CHST15: variants seen among roughly 807,000 people sequenced by gnomAD.
CHST15 encodes the protein B cell RAG associated protein (GALNAC4S-6ST).
In CHST15, 30 loss-of-function variants were observed where a neutral mutation model predicts 53.6. The ratio of observed to expected loss-of-function variants is 0.56; its 90% CI spans 0.42 to 0.76. The LOEUF (loss-of-function observed/expected upper bound fraction) is 0.76, where lower values mean the gene tolerates loss of function less well. CHST15 is among the 30% of genes least tolerant of loss of function. CHST15 has a pLI of 0.00. For synonymous variants in CHST15, 296 were observed against 289.8 expected (o/e 1.02, Z -0.22); for missense variants, 627 against 740.5 (o/e 0.85, Z 1.78).
rs573255181 is a variant in CHST15, at chr10:124,091,922, G to A, written c.-513+1547C>T. ...CCGCGCCGGCCGGCCCCGGGCGCAG[G>A]GCGGGCGGGAACGTGGGCACCCGGA... On this transcript the variant is annotated intron_variant, in intron 1 of 7. Coordinates refer to ENST00000435907, the MANE Select transcript of CHST15 (RefSeq NM_001270764.2). 3.3e-5 allele frequency among the ~76,000 whole-genome samples: 5 copies of A among 151,994 alleles called. No individual in the cohort carries two copies. In the South Asian group the frequency reaches 1.0e-3, roughly 32 times the overall value.
chr10:124,013,750 C>A (rs1946491828), intron 6 of CHST15, among the ~76,000 whole-genome samples: 1 of 152,342 alleles, frequency 6.6e-6, no homozygotes, highest in Admixed American at 6.5e-5. Context: ...TCCCCTTTTG[C>A]TGTGAGGCCC....
chr10:124,092,027 C>A (rs867831824), intron 1 of CHST15, among the ~76,000 whole-genome samples: 7 of 152,336 alleles, frequency 4.6e-5, no homozygotes, highest in African/African-American at 1.4e-4. Flanking sequence ...CGCGCGCACG[C>A]CGGCCCATCG....
chr10:124,066,282 T>C (rs1003791288), intron 1 of CHST15, among the ~76,000 whole-genome samples: 7 of 152,062 alleles, frequency 4.6e-5, no homozygotes, highest in African/African-American at 1.4e-4. Flanking sequence ...GGGAGGAGGC[T>C]GAAATGGAAA....
At chr10:124,075,230 A>C (rs1949035228) in intron 1 of CHST15, among the ~76,000 whole-genome samples, 1 of 152,210 alleles carries the variant, frequency 6.6e-6, no homozygotes, top group African/African-American at 2.4e-5. Context: ...CAGGCTGTGC[A>C]TCCCCACGGT....
In CHST15 at chr10:124,020,133, C is replaced by T. The variant is rs371613988; in HGVS notation, c.1347+1123G>A. ...GCATTGCTGTGGCCCCAGGACCCAG[C>T]GTCATGCAGGGGACATAGTGGCAAG... On this transcript the variant is annotated intron_variant, in intron 6 of 7. Transcript: ENST00000435907. 2,430 of 985,566 alleles carry T rather than the reference C, an allele frequency of 2.5e-3. 9 individuals carry two copies. Among genetic ancestry groups the T allele is most frequent in the Middle Eastern group, 7.8e-3 (15 of 1,916 alleles). 61.1% of individuals were successfully genotyped at this position (985,566 alleles called of 1,614,324 possible).
At chr10:124,015,545 C>T (rs1946560934) in intron 6 of CHST15, among the ~76,000 whole-genome samples, 1 of 152,014 alleles carries the variant, frequency 6.6e-6, no homozygotes, top group South Asian at 2.1e-4. Context: ...AGCACAGTCC[C>T]AGTCCCCACT....
At chr10:124,081,720 C>T (rs1377167984) in intron 1 of CHST15, among the ~76,000 whole-genome samples, 1 of 152,194 alleles carries the variant, frequency 6.6e-6, no homozygotes, top group Non-Finnish European at 1.5e-5. Flanking sequence ...CTGGAAGGAC[C>T]AGCCTGAGGA....
At chr10:124,013,803 AG>A (rs1369979783) in intron 6 of CHST15, among the ~76,000 whole-genome samples, 1 of 152,134 alleles carries the variant, frequency 6.6e-6, no homozygotes, top group Non-Finnish European at 1.5e-5. Flanking sequence ...CCAAGTGCCC[AG>A]GGACCCTGCT....
At chr10:124,069,780 T>C (rs1431095720) in intron 1 of CHST15, among the ~76,000 whole-genome samples, 1 of 152,220 alleles carries the variant, frequency 6.6e-6, no homozygotes, top group Non-Finnish European at 1.5e-5. Flanking sequence ...AGCTCATCCC[T>C]CGAGGAAGGA....
intron 7 of CHST15, among the ~76,000 whole-genome samples, chr10:124,011,236 G>C (rs1946410296): frequency 6.6e-6 from 1 of 152,218 alleles, no homozygotes; most frequent in Admixed American, 6.5e-5. Context: ...TCTGGCCAAA[G>C]TCCTTAGCCC....
At chr10:124,042,507 C>T in intron 3 of CHST15, 60 bp from the exon 4 acceptor site, 2 of 1,574,730 alleles carry the variant, frequency 1.3e-6, no homozygotes, top group South Asian at 2.3e-5. Flanking sequence ...GGAGCGATGG[C>T]CTCCCAGACA....
intron 1 of CHST15, among the ~76,000 whole-genome samples, chr10:124,089,307 T>C (rs1949531986): frequency 6.6e-6 from 1 of 152,114 alleles, no homozygotes; most frequent in Admixed American, 6.5e-5. Context: ...TTAAAAACAG[T>C]CTCTGCTTTT....
rs76122075 is a variant in CHST15 at position 124,046,413 on chromosome 10, G to A, written c.-201C>T. ...CACATTCTTTGGTTCAGCTCCGAAA[G>A]AAAACAAAAGGAAGTGATGTCCCAG... On this transcript the variant is annotated 5_prime_UTR_variant, in exon 2 of 8. Transcript: ENST00000435907. The A allele has an allele frequency of 2.4e-3, 1,272 of 537,898 alleles. 11 individuals are homozygous for A. The highest frequency in any genetic ancestry group is 0.02 in the African/African-American group (1,061 of 52,002). 33.3% of individuals were successfully genotyped at this position (537,898 alleles called of 1,614,324 possible). A position where few individuals can be genotyped will look rare whatever the true frequency, so the allele number is the denominator to read the frequency against.
At position 124,021,432 on chromosome 10, in the gene CHST15, A is replaced by G. The variant is rs1025844730; in HGVS notation, c.1191-20T>C. The G allele has an allele frequency of 4.4e-6, 7 of 1,595,560 alleles. No individual in the cohort carries two copies. The South Asian group carries it at 4.5e-5, about 10-fold the overall frequency. On this transcript the variant is annotated intron_variant, in intron 5 of 7. Coordinates refer to ENST00000435907, the MANE Select transcript of CHST15 (RefSeq NM_001270764.2). ...TACAACCTGTGAATAAAATAAATGC[A>G]TATTTTTACCACCCATGAACATGCA... is the stretch of plus-strand genomic sequence containing the variant.
chr10:124,062,510 G>A (rs1948613288), intron 1 of CHST15, among the ~76,000 whole-genome samples: 2 of 152,124 alleles, frequency 1.3e-5, no homozygotes, highest in Admixed American at 1.3e-4. Flanking sequence ...GAGATTAACG[G>A]CAGTACCGAC....
At chr10:124,091,739 C>T (rs1949605207) in intron 1 of CHST15, among the ~76,000 whole-genome samples, 1 of 152,268 alleles carries the variant, frequency 6.6e-6, no homozygotes, top group African/African-American at 2.4e-5. Flanking sequence ...GCTCCGCGCA[C>T]GCAGGCAGAC....
At chr10:124,044,994 C>A in intron 2 of CHST15, 75 bp from the exon 3 acceptor site, 1 of 1,022,990 alleles carries the variant, frequency 9.8e-7, no homozygotes, top group Non-Finnish European at 1.3e-6. Context: ...GCAATGGGAA[C>A]CTGCCCTGAG....
intron 3 of CHST15, among the ~76,000 whole-genome samples, chr10:124,042,846 GGA>G (rs1947794521): frequency 6.6e-6 from 1 of 152,116 alleles, no homozygotes; most frequent in Non-Finnish European, 1.5e-5. Context: ...TGTCAAACAG[GGA>G]GAGAGGACCG....
intron 1 of CHST15, among the ~76,000 whole-genome samples, chr10:124,072,589 C>T (rs1948952403): frequency 6.6e-6 from 1 of 152,154 alleles, no homozygotes; most frequent in Non-Finnish European, 1.5e-5. Context: ...GCTCTCAAGC[C>T]CTCCCAAGAG....
Sources: gnomAD v4.1 joint callset for allele counts (sites outside exome capture counted in the v4.1 genomes callset) on GRCh38, gnomAD v4.1.1 for gene constraint, MANE v1.5 for transcripts, NCBI Gene and HGNC (gene_info 2026-07-23, HGNC 2026-07-21) for gene names.